Variants in TCF4 observed in about 807,000 individuals in gnomAD.
TCF4 encodes transcription factor 4, also known as SL3-3 enhancer factor 2.
In TCF4, 3 loss-of-function variants were observed where a neutral mutation model predicts 82.1. The observed-to-expected ratio is 0.04, with a 90% CI of 0.02 to 0.09. The LOEUF is 0.09. TCF4 is among the 10% of genes least tolerant of loss of function. The pLI, the probability that TCF4 is intolerant of heterozygous loss-of-function variation, is 1.00. For synonymous variants in TCF4, 276 were observed against 309.6 expected (o/e 0.89, Z 1.14); for missense variants, 518 against 852.7 (o/e 0.61, Z 4.89).
chr18:55,579,320 A>G (rs1406110866), intron 3 of TCF4, among the ~76,000 whole-genome samples: 1 of 151,844 alleles, frequency 6.6e-6, no homozygotes, highest in African/African-American at 2.4e-5. Flanking sequence ...AATTTTACCC[A>G]GAGTAATAAG....
intron 15 of TCF4, among the ~76,000 whole-genome samples, chr18:55,247,557 C>T (rs1390484632): frequency 6.6e-6 from 1 of 152,124 alleles, no homozygotes; most frequent in African/African-American, 2.4e-5. Flanking sequence ...ATACAAGGTA[C>T]TGAATGGGGG....
chr18:55,345,446 G>A (rs1367436948), intron 8 of TCF4, among the ~76,000 whole-genome samples: 1 of 152,124 alleles, frequency 6.6e-6, no homozygotes, highest in Non-Finnish European at 1.5e-5. Context: ...TGTAAATTGT[G>A]TGAATAGTTT....
intron 5 of TCF4, among the ~76,000 whole-genome samples, chr18:55,406,711 C>T (rs2094109181): frequency 6.6e-6 from 1 of 152,170 alleles, no homozygotes; most frequent in Admixed American, 6.5e-5. Context: ...AGCCTCTTTC[C>T]TCCTTTCTCC....
At chr18:55,398,499 G>A (rs1265185529) in intron 6 of TCF4, among the ~76,000 whole-genome samples, 2 of 152,130 alleles carry the variant, frequency 1.3e-5, no homozygotes, top group Admixed American at 6.6e-5. Flanking sequence ...GAAGTCACCA[G>A]GTGAATGAGA....
chr18:55,294,340 C>T (rs1027753905), intron 8 of TCF4, among the ~76,000 whole-genome samples: 3 of 152,080 alleles, frequency 2.0e-5, no homozygotes, highest in African/African-American at 7.2e-5. Flanking sequence ...ATAAATACTA[C>T]GGACTCCTTA....
At chr18:55,281,806 T>A (rs1568670394) in intron 8 of TCF4, among the ~76,000 whole-genome samples, 1 of 151,996 alleles carries the variant, frequency 6.6e-6, no homozygotes, top group Non-Finnish European at 1.5e-5. Context: ...ACAAGGAGGC[T>A]ACTTTGACTA....
At chr18:55,249,675 G>A (rs573212295) in intron 15 of TCF4, among the ~76,000 whole-genome samples, 77 of 152,262 alleles carry the variant, frequency 5.1e-4, no homozygotes, top group African/African-American at 1.6e-3. Flanking sequence ...TGGTAACCAC[G>A]GATAAATGTT....
rs149785015 is a variant in TCF4, at chr18:55,246,668, C to T, written c.1350+7829G>A. Among the ~76,000 whole-genome samples the T allele has an allele frequency of 4.6e-5, 7 of 152,044 alleles. No homozygotes were observed. In the East Asian group the frequency reaches 1.4e-3, roughly 29 times the overall value. ...AGGATTCTCAGCTGTTATCACTCAT[C>T]CATGGCTAAAAGAATTTCTTCAAGT... On this transcript the variant is annotated intron_variant, in intron 15 of 19. Coordinates refer to ENST00000354452, the MANE Select transcript of TCF4 (RefSeq NM_001083962.2).
At chr18:55,576,800 C>A (rs769188747) in intron 3 of TCF4, among the ~76,000 whole-genome samples, 1 of 152,066 alleles carries the variant, frequency 6.6e-6, no homozygotes, top group Non-Finnish European at 1.5e-5. Flanking sequence ...TTAGAAGAAG[C>A]TTGTCCAACC....
chr18:55,535,964 T>C (rs1159614977), intron 3 of TCF4, among the ~76,000 whole-genome samples: 1 of 152,196 alleles, frequency 6.6e-6, no homozygotes, highest in Non-Finnish European at 1.5e-5. Flanking sequence ...TTACTGAAGA[T>C]TTTATTTTTT....
intron 3 of TCF4, among the ~76,000 whole-genome samples, chr18:55,545,126 T>C (rs190343959): frequency 7.9e-5 from 12 of 152,346 alleles, no homozygotes; most frequent in Admixed American, 4.6e-4. Context: ...ACCTAACCTA[T>C]GTATGCATCA....
Position 55,234,673 on chromosome 18 carries a change from T to C in TCF4, c.1361A>G (p.His454Arg), listed in dbSNP as rs1211974047. 1.9e-6 allele frequency: 3 copies of C among 1,614,020 alleles called. No homozygotes were observed. The highest frequency in any genetic ancestry group is 2.5e-6 in the Non-Finnish European group (3 of 1,180,032). ...ANRHSLMVGT[H>R]REDGVALRGS... ...TCTCAGGGCCACGCCATCTTCACGA[T>C]GGGTCCCCACCTGAAAGGGCGAGAG... is the stretch of plus-strand genomic sequence containing the variant. The change falls in exon 16 of 20, where the codon CAT (histidine) becomes CGT (arginine). Residue 454 changes from histidine to arginine, a missense_variant. Around this residue, in one of 7 missense-constraint regions of TCF4, gnomAD observed 144 missense variants for 190.2 expected, o/e 0.76. Transcript: ENST00000354452.
In TCF4 at chr18:55,585,337, C is replaced by T; in HGVS notation, c.88G>A (p.Val30Met). The change falls in exon 3 of 20, where the codon GTG (valine) becomes ATG (methionine). Residue 30 changes from valine (V) to methionine (M), a missense_variant. Physicochemically the swap from Val to Met is conservative, Grantham distance 21. This residue lies in a region of TCF4 where 19 missense variants were observed against 54.5 expected (regional missense o/e 0.35). Coordinates refer to ENST00000354452, the MANE Select transcript of TCF4 (RefSeq NM_001083962.2). ...GTTGGTCCATTTTTCCCACTGCTCA[C>T]AGGAGGTGAAAACATCTAAAAGAAA... ...LDFSAMFSPP[V>M]SSGKNGPTSL... is the part of the protein sequence containing the mutation. 1 of 1,613,954 alleles carries T rather than the reference C, an allele frequency of 6.2e-7. No homozygotes were observed. The highest frequency in any genetic ancestry group is 1.1e-5 in the South Asian group (1 of 91,080).
Position 55,226,125 on chromosome 18 carries a change from C to T in TCF4, c.*1910G>A, listed in dbSNP as rs1051630413. On this transcript the variant is annotated 3_prime_UTR_variant, in exon 20 of 20. Transcript: ENST00000354452. The stretch of plus-strand genomic sequence containing the variant: ...CATACACAATTTCAAAATAATGATA[C>T]GTTTGCCATTTGTTGCATAAAATTT... The T allele has an allele frequency of 6.6e-6, 1 of 152,386 alleles. No homozygotes were observed. The highest frequency in any genetic ancestry group is 1.5e-5 in the Non-Finnish European group (1 of 67,954). 9.4% of individuals were successfully genotyped at this position (152,386 alleles called of 1,614,324 possible). A position where few individuals can be genotyped will look rare whatever the true frequency, so the allele number is the denominator to read the frequency against.
intron 3 of TCF4, among the ~76,000 whole-genome samples, chr18:55,562,584 T>C (rs2097364486): frequency 6.6e-6 from 1 of 152,180 alleles, no homozygotes; most frequent in African/African-American, 2.4e-5. Context: ...TGTGTCCCCC[T>C]GACTTCCTTG....
intron 1 of TCF4, chr18:55,631,444 T>G: frequency 1.3e-6 from 2 of 1,519,798 alleles, no homozygotes; most frequent in Non-Finnish European, 1.8e-6. Flanking sequence ...GTAGACAAGT[T>G]AGAAGATGGT....
intron 8 of TCF4, among the ~76,000 whole-genome samples, chr18:55,316,518 C>T (rs2074178426): frequency 6.6e-6 from 1 of 151,920 alleles, no homozygotes; most frequent in Non-Finnish European, 1.5e-5. Flanking sequence ...ATGACAGTGT[C>T]TAAAATCCAA....
chr18:55,366,197 T>C (rs552662617), intron 6 of TCF4, among the ~76,000 whole-genome samples: 9 of 152,314 alleles, frequency 5.9e-5, no homozygotes, highest in Admixed American at 1.3e-4. Context: ...AAGGTAGATA[T>C]TTATTTATTT....
chr18:55,483,062 G>C (rs1603545772), intron 3 of TCF4: 1 of 152,276 alleles, frequency 6.6e-6, no homozygotes, highest in African/African-American at 2.4e-5. Flanking sequence ...GGATGTGTCT[G>C]GTTTGCCTTC....
Sources: allele counts gnomAD v4.1 joint callset (sites outside exome capture counted in the v4.1 genomes callset), GRCh38; gene constraint gnomAD v4.1.1; regional missense constraint gnomAD v4.1.1; transcripts MANE v1.5; gene names NCBI Gene and HGNC (gene_info 2026-07-23, HGNC 2026-07-21).